The following UBIAD1 variants were observed in gnomAD, a reference collection of about 807,000 sequenced individuals.
UBIAD1 encodes UbiA prenyltransferase domain containing 1.
UBIAD1 carries 12 observed loss-of-function variants against 20.1 expected under a neutral mutation model. That is an observed-to-expected ratio of 0.60 (90% CI 0.38 to 0.97). The LOEUF is 0.97. Ranked by LOEUF, UBIAD1 falls within the 50% of genes least tolerant of loss-of-function variation. The pLI is 0.00. For missense variants in UBIAD1, 333 were observed against 419.5 expected, an observed-to-expected ratio of 0.79 and a Z score of 1.80; for synonymous variants, 207 against 189.2, an observed-to-expected ratio of 1.09 and a Z score of -0.77.
Position 11,282,597 on chromosome 1 carries a change from C to T in UBIAD1, c.530-3047C>T, listed in dbSNP as rs570930043. On this transcript the variant is annotated intron_variant, in intron 1 of 1. Coordinates refer to ENST00000376810, the MANE Select transcript of UBIAD1 (RefSeq NM_013319.3). ...TTTTTTCAAAAGACAGAGTTTAGCT[C>T]TTGTTGACCAGGCTGGAGTACAATG... 2.1e-5 allele frequency among the ~76,000 whole-genome samples: 3 copies of T among 139,636 alleles called. 1 individual carries two copies. The highest frequency in any genetic ancestry group is 5.5e-5 in the African/African-American group (2 of 36,682). 91.6% of individuals were successfully genotyped at this position (139,636 alleles called of 152,430 possible).
At chr1:11,276,526 T>G (rs1314256907) in intron 1 of UBIAD1, among the ~76,000 whole-genome samples, 1 of 151,742 alleles carries the variant, frequency 6.6e-6, no homozygotes, top group African/African-American at 2.4e-5. Flanking sequence ...TAGCCAGGCG[T>G]GGTGGCATGT....
At chr1:11,282,577 T>C (rs1422289515) in intron 1 of UBIAD1, among the ~76,000 whole-genome samples, 16 of 148,270 alleles carry the variant, frequency 1.1e-4, no homozygotes, top group East Asian at 3.9e-4. Flanking sequence ...TTTTTTTTTT[T>C]CAAAAGACAG....
chr1:11,292,674 C>T (rs899671691), downstream of UBIAD1, among the ~76,000 whole-genome samples: 309 of 138,136 alleles, frequency 2.2e-3, 1 homozygote, highest in African/African-American at 7.3e-3. Flanking sequence ...TGTATACACA[C>T]ACACACACAC....
At chr1:11,291,529 C>T (rs1638365432), downstream of UBIAD1, among the ~76,000 whole-genome samples, 1 of 151,498 alleles carries the variant, frequency 6.6e-6, no homozygotes, top group African/African-American at 2.4e-5. Flanking sequence ...ACTACCTGAA[C>T]CCGGGAGGCA....
Position 11,285,248 on chromosome 1 carries a change from C to T in UBIAD1, c.530-396C>T, listed in dbSNP as rs556845427. On this transcript the variant is annotated intron_variant, in intron 1 of 1. Transcript: ENST00000376810. The surrounding 1 kb of genome is among the most constrained non-coding windows in gnomAD (Gnocchi z 4.4). ...GCTATTCTGTGAGGGATTGATCTCA[C>T]GGGGTCTTGCAGGGGTTGGTGAAGG... 4.6e-5 allele frequency among the ~76,000 whole-genome samples: 7 copies of T among 152,206 alleles called. No individual in the cohort carries two copies. Among genetic ancestry groups the T allele is most frequent in the East Asian group, 3.9e-4 (2 of 5,180 alleles).
intron 1 of UBIAD1, 114 bp downstream of exon 1, chr1:11,274,174 T>A: frequency 1.5e-6 from 2 of 1,296,718 alleles, no homozygotes; most frequent in Non-Finnish European, 2.2e-6. Context: ...TAAGCCGCTT[T>A]AATTGAAGTC....
intron 1 of UBIAD1, among the ~76,000 whole-genome samples, chr1:11,280,331 C>T (rs1349925591): frequency 2.6e-5 from 4 of 152,072 alleles, no homozygotes; most frequent in South Asian, 2.1e-4. Context: ...TCTGTCATGG[C>T]GATCTTAACC....
chr1:11,274,887 C>T (rs964264794), intron 1 of UBIAD1, among the ~76,000 whole-genome samples: 2 of 152,162 alleles, frequency 1.3e-5, no homozygotes, highest in Admixed American at 6.5e-5. Flanking sequence ...GGATTACAGG[C>T]GTGAGCCACC....
intron 1 of UBIAD1, among the ~76,000 whole-genome samples, chr1:11,278,020 C>T (rs530371648): frequency 1.8e-4 from 27 of 152,182 alleles, no homozygotes; most frequent in African/African-American, 5.8e-4. Flanking sequence ...TGCAGTGGTG[C>T]GATCTCAGCT....
At chr1:11,277,468 C>T (rs185001815) in intron 1 of UBIAD1, among the ~76,000 whole-genome samples, 47 of 151,870 alleles carry the variant, frequency 3.1e-4, no homozygotes, top group African/African-American at 1.0e-3. Context: ...GACGGGGTTT[C>T]GCCATGTTGG....
chr1:11,297,967 G>GT (rs563239405), downstream of UBIAD1, among the ~76,000 whole-genome samples: 21,619 of 147,916 alleles, frequency 0.15, 3,254 homozygotes, highest in African/African-American at 0.38. Context: ...TTGTTTTTTT[G>GT]TTTTTTTTTT....
intron 1 of UBIAD1, among the ~76,000 whole-genome samples, chr1:11,282,797 C>T (rs1652286556): frequency 6.6e-6 from 1 of 151,348 alleles, no homozygotes; most frequent in Non-Finnish European, 1.5e-5. Flanking sequence ...GACTTCCTGA[C>T]CTCAGTTGAT....
intron 1 of UBIAD1, among the ~76,000 whole-genome samples, chr1:11,277,981 G>A (rs566231474): frequency 1.3e-5 from 2 of 152,052 alleles, no homozygotes; most frequent in African/African-American, 4.8e-5. Flanking sequence ...GTTTGAGATG[G>A]GGGTCTTACT....
chr1:11,285,117 G>A lies in UBIAD1; in HGVS notation c.530-527G>A, dbSNP rs1425939166. ...CTGTTTTGCTTATCGCAGGGGTGCA[G>A]GTTTAAGGACCCCGAAATTTCACTG... On this transcript the variant is annotated intron_variant, in intron 1 of 1. Coordinates refer to ENST00000376810, the MANE Select transcript of UBIAD1 (RefSeq NM_013319.3). This position sits in a 1 kb window ranked among gnomAD's most constrained non-coding sequence, Gnocchi z 4.4. Among the ~76,000 whole-genome samples the A allele has an allele frequency of 6.6e-6, 1 of 152,196 alleles. No homozygotes were observed. The highest frequency in any genetic ancestry group is 1.5e-5 in the Non-Finnish European group (1 of 68,044).
chr1:11,283,073 G>A (rs761013295), intron 1 of UBIAD1, among the ~76,000 whole-genome samples: 1 of 151,946 alleles, frequency 6.6e-6, no homozygotes, highest in Non-Finnish European at 1.5e-5. Flanking sequence ...TGTTGGTCAG[G>A]CTGGTCTCGA....
intron 1 of UBIAD1, among the ~76,000 whole-genome samples, chr1:11,282,789 C>G (rs1652286203): frequency 6.7e-6 from 1 of 149,486 alleles, no homozygotes; most frequent in Admixed American, 6.7e-5. Context: ...CTGGTCTTGA[C>G]TTCCTGACCT....
rs759216149 is a variant in UBIAD1 at position 11,273,611 on chromosome 1, TG to T, written c.84del (p.Asn29ThrfsTer25). On this transcript the variant is annotated frameshift_variant, in exon 1 of 2. Coordinates refer to ENST00000376810, the MANE Select transcript of UBIAD1 (RefSeq NM_013319.3). LOFTEE classifies it high-confidence loss of function. The surrounding 1 kb of genome is among the most constrained non-coding windows in gnomAD (Gnocchi z 4.9). ...GTCAAAGCTGGGGACAGGGACCCGCTGGGGAACGACTGTCCCGAGCAAGATA... is the reference window on the plus strand; with the variant it reads ...GTCAAAGCTGGGGACAGGGACCCGCTGGGAACGACTGTCCCGAGCAAGATA... Reference protein sequence around the residue: ...ETVKAGDRDPLGNDCPEQDRL... With the variant: ...ETVKAGDRDPXGNDCPEQDRL... 1 of 1,613,974 alleles carries T rather than the reference TG, an allele frequency of 6.2e-7. No homozygotes were observed. Among genetic ancestry groups the T allele is most frequent in the Non-Finnish European group, 8.5e-7 (1 of 1,180,034 alleles).
At chr1:11,299,480 A>C (rs940778810), downstream of UBIAD1, among the ~76,000 whole-genome samples, 1 of 152,138 alleles carries the variant, frequency 6.6e-6, no homozygotes, top group Non-Finnish European at 1.5e-5. Context: ...TTTCATTTTC[A>C]ACACTTCTTT....
chr1:11,297,730 A>G (rs1301955121), downstream of UBIAD1, among the ~76,000 whole-genome samples: 1 of 152,166 alleles, frequency 6.6e-6, no homozygotes, highest in African/African-American at 2.4e-5. Context: ...TGGAGGCTTG[A>G]CAGTTGAGAA....
Sources: allele counts gnomAD v4.1 joint callset (sites outside exome capture counted in the v4.1 genomes callset), GRCh38; gene constraint gnomAD v4.1.1; non-coding constraint Gnocchi (gnomAD v3.1); transcripts MANE v1.5; gene names NCBI Gene and HGNC (gene_info 2026-07-23, HGNC 2026-07-21).